The following USP46 variants were observed in gnomAD, a reference collection of about 807,000 sequenced individuals.
USP46 encodes ubiquitin specific peptidase 46.
Under a neutral mutation model 44.4 loss-of-function variants are expected in USP46, and 12 were observed. That is an observed-to-expected ratio of 0.27 (90% CI 0.17 to 0.44). The LOEUF (loss-of-function observed/expected upper bound fraction) is 0.44, where lower values mean the gene tolerates loss of function less well. USP46 is among the 20% of genes least tolerant of loss of function. The pLI, the probability that USP46 is intolerant of heterozygous loss-of-function variation, is 1.00. For missense variants in USP46, 248 were observed against 444.8 expected, an observed-to-expected ratio of 0.56 and a Z score of 3.98; for synonymous variants, 155 against 161.5, an observed-to-expected ratio of 0.96 and a Z score of 0.31.
In USP46 at chr4:52,604,564, G is replaced by A; in HGVS notation, c.659C>T (p.Thr220Ile). ...ATAATATTTTTGTTCACTACACAGT[G>A]TTTCTGTGTTGCTGAAGTCTCTGTA... is the stretch of plus-strand genomic sequence containing the variant. ...HCLRDFSNTE[T>I]LCSEQKYYCE... is the part of the protein sequence containing the mutation. Residue 220 changes from threonine to isoleucine, a missense_variant, in exon 6 of 9, where the codon ACA becomes ATA. Transcript: ENST00000441222. 1 of 1,604,666 alleles carries A rather than the reference G, an allele frequency of 6.2e-7. No homozygotes were observed. Among genetic ancestry groups the A allele is most frequent in the Non-Finnish European group, 8.5e-7 (1 of 1,176,300 alleles).
intron 4 of USP46, among the ~76,000 whole-genome samples, chr4:52,613,554 T>C (rs1056239587): frequency 5.9e-5 from 9 of 151,836 alleles, no homozygotes; most frequent in African/African-American, 2.2e-4. Context: ...AAGCCCCGTC[T>C]CTACTAAAAA....
chr4:52,620,513 C>T (rs568095692), intron 4 of USP46, among the ~76,000 whole-genome samples: 6 of 152,274 alleles, frequency 3.9e-5, no homozygotes, highest in East Asian at 1.9e-4. Context: ...TCTCACTGTA[C>T]GCTCAGTGCT....
At chr4:52,630,866 A>C (rs1371197986) in intron 2 of USP46, among the ~76,000 whole-genome samples, 198 bp downstream of exon 2, 1 of 152,222 alleles carries the variant, frequency 6.6e-6, no homozygotes, top group African/African-American at 2.4e-5. Context: ...CCAAAATGCA[A>C]TAATTAAATG....
intron 6 of USP46, among the ~76,000 whole-genome samples, chr4:52,604,261 T>C (rs560234357): frequency 6.6e-6 from 1 of 152,348 alleles, no homozygotes; most frequent in South Asian, 2.1e-4. Flanking sequence ...AAATATTTGC[T>C]GAATGACTGA....
In USP46 at chr4:52,626,027, G is replaced by A. The variant is rs1447725987; in HGVS notation, c.552C>T (p.Asn184=). 2 of 1,613,604 alleles carry A rather than the reference G, an allele frequency of 1.2e-6. No individual in the cohort carries two copies. Among genetic ancestry groups the A allele is most frequent in the Non-Finnish European group, 1.7e-6 (2 of 1,179,756 alleles). ...GTLTNETRCL[N]CETVSSKDED... ...CTCCCCTAGTACTTACAGTTTCACA[G>A]TTCAAGCATCGAGTTTCATTGGTAA... is the stretch of plus-strand genomic sequence containing the variant. The change falls in exon 4 of 9, where the codon AAC becomes AAT. Residue 184 remains asparagine, a synonymous_variant. Transcript: ENST00000441222.
chr4:52,629,569 AT>A (rs1717727048), intron 2 of USP46: 1 of 456,022 alleles, frequency 2.2e-6, no homozygotes, highest in Non-Finnish European at 4.4e-6. Context: ...CACCAACACA[AT>A]GCCCTATATT....
chr4:52,643,734 C>T (rs1718437033), intron 1 of USP46, among the ~76,000 whole-genome samples: 1 of 152,208 alleles, frequency 6.6e-6, no homozygotes, highest in Non-Finnish European at 1.5e-5. Context: ...TCTACATATT[C>T]ATTTAATCTT....
intron 1 of USP46, among the ~76,000 whole-genome samples, chr4:52,653,762 C>T (rs1718854477): frequency 6.6e-6 from 1 of 152,050 alleles, no homozygotes; most frequent in Non-Finnish European, 1.5e-5. Context: ...TACCAAATAC[C>T]TTTCTGATGA....
chr4:52,636,967 A>G (rs1176715261), intron 1 of USP46, among the ~76,000 whole-genome samples: 1 of 151,556 alleles, frequency 6.6e-6, no homozygotes, highest in Non-Finnish European at 1.5e-5. Context: ...CATAACCCAC[A>G]CCCAGATAAT....
intron 1 of USP46, among the ~76,000 whole-genome samples, chr4:52,644,307 C>T (rs1280911138): frequency 1.3e-5 from 2 of 152,192 alleles, no homozygotes; most frequent in African/African-American, 4.8e-5. Flanking sequence ...GCCCACTCCT[C>T]TCCAGGCTTC....
chr4:52,639,039 G>A (rs1296302099), intron 1 of USP46, among the ~76,000 whole-genome samples: 3 of 152,072 alleles, frequency 2.0e-5, no homozygotes, highest in Non-Finnish European at 2.9e-5. Flanking sequence ...CATTGGTAAC[G>A]TGAATCTTTG....
intron 1 of USP46, among the ~76,000 whole-genome samples, chr4:52,657,178 A>G (rs1204385735): frequency 6.6e-6 from 1 of 151,936 alleles, no homozygotes; most frequent in African/African-American, 2.4e-5. Context: ...CTGGTTCCTC[A>G]CTTCATCTGG....
intron 7 of USP46, 33 bp downstream of exon 7, chr4:52,601,824 A>G: frequency 6.2e-7 from 1 of 1,601,892 alleles, no homozygotes; most frequent in Non-Finnish European, 8.5e-7. Flanking sequence ...CCTTACACTT[A>G]CCCTGTATAC....
intron 1 of USP46, among the ~76,000 whole-genome samples, chr4:52,636,177 G>T (rs991321508): frequency 2.0e-5 from 3 of 152,142 alleles, no homozygotes; most frequent in Admixed American, 6.5e-5. Context: ...AAGCAGAAGA[G>T]ATCAGAGTGA....
intron 7 of USP46, among the ~76,000 whole-genome samples, chr4:52,600,573 C>T (rs1023660374): frequency 6.6e-6 from 1 of 152,114 alleles, no homozygotes; most frequent in Non-Finnish European, 1.5e-5. Context: ...TCCCGCTGAA[C>T]GTCCAGTTCC....
intron 6 of USP46, 89 bp downstream of exon 6, chr4:52,604,412 G>T: frequency 9.5e-7 from 1 of 1,053,756 alleles, no homozygotes; most frequent in Non-Finnish European, 1.4e-6. Flanking sequence ...CCAGGTAGCT[G>T]AGATTGATTC....
chr4:52,625,119 A>T (rs569687985), intron 4 of USP46, among the ~76,000 whole-genome samples: 1 of 152,106 alleles, frequency 6.6e-6, no homozygotes, highest in Non-Finnish European at 1.5e-5. Context: ...GAACCCATAG[A>T]CTTTCTATGC....
chr4:52,614,915 T>C (rs1273472222), intron 4 of USP46, among the ~76,000 whole-genome samples: 1 of 152,158 alleles, frequency 6.6e-6, no homozygotes, highest in Admixed American at 6.5e-5. Flanking sequence ...GCTTTCTACA[T>C]TTTATGTGAA....
intron 1 of USP46, among the ~76,000 whole-genome samples, chr4:52,645,725 G>A (rs1718528991): frequency 6.6e-6 from 1 of 152,152 alleles, no homozygotes; most frequent in African/African-American, 2.4e-5. Flanking sequence ...CTAGGTCAAA[G>A]AGGCCTTGAT....
Sources: allele counts gnomAD v4.1 joint callset (sites outside exome capture counted in the v4.1 genomes callset), GRCh38; gene constraint gnomAD v4.1.1; transcripts MANE v1.5; gene names NCBI Gene and HGNC (gene_info 2026-07-23, HGNC 2026-07-21).